The following KRI1 variants were observed in gnomAD, a reference collection of about 807,000 sequenced individuals.
The protein encoded by KRI1 is protein KRI1 homolog.
In KRI1, 83 loss-of-function variants were observed where a neutral mutation model predicts 97.0. The observed-to-expected ratio is 0.86, with a 90% CI of 0.72 to 1.03. KRI1 has a LOEUF of 1.03. KRI1 is among the 50% of genes least tolerant of loss of function. The probability of loss-of-function intolerance (pLI) is 0.00; values close to 1 mark genes in which losing one functional copy is unlikely to be tolerated. For missense variants in KRI1, 916 were observed against 928.4 expected (o/e 0.99, Z 0.17); for synonymous variants, 371 against 363.5 (o/e 1.02, Z -0.23).
At chr19:10,565,162 T>G in intron 2 of KRI1, 128 bp from the exon 3 acceptor site, 1 of 686,888 alleles carries the variant, frequency 1.5e-6, no homozygotes, top group Non-Finnish European at 2.6e-6. Flanking sequence ...GTCAAACAGG[T>G]GGTCAAACAG....
chr19:10,562,015 GTTTTT>G (rs749837085), intron 4 of KRI1, among the ~76,000 whole-genome samples, 170 bp from the exon 5 acceptor site: 1 of 131,742 alleles, frequency 7.6e-6, no homozygotes, highest in Non-Finnish European at 1.6e-5. Context: ...AGTTTCCAGC[GTTTTT>G]TTTTTTTTTT....
At chr19:10,562,187 C>T (rs1017579217) in intron 4 of KRI1, among the ~76,000 whole-genome samples, 3 of 151,700 alleles carry the variant, frequency 2.0e-5, no homozygotes, top group East Asian at 1.9e-4. Flanking sequence ...GTAGCTGGGA[C>T]TACAGGCGCC....
At chr19:10,564,069 C>T (rs1481280207) in intron 3 of KRI1, among the ~76,000 whole-genome samples, 8 of 149,930 alleles carry the variant, frequency 5.3e-5, no homozygotes, top group South Asian at 2.1e-4. Flanking sequence ...TCGGTTGAAC[C>T]GGGGAGGCGG....
chr19:10,557,160 A>G (rs1217291945), intron 16 of KRI1, among the ~76,000 whole-genome samples: 1 of 146,474 alleles, frequency 6.8e-6, no homozygotes, highest in African/African-American at 2.5e-5. Context: ...GCTGGAGTGC[A>G]GTGGTGCAAT....
At chr19:10,565,109 A>C in intron 2 of KRI1, 75 bp from the exon 3 acceptor site, 3 of 966,794 alleles carry the variant, frequency 3.1e-6, no homozygotes, top group Non-Finnish European at 5.0e-6. Flanking sequence ...AGGTGAGCTC[A>C]GCGTAGGGAT....
At position 10,553,370 on chromosome 19, in the gene KRI1, C is replaced by A; in HGVS notation, c.*581G>T. On this transcript the variant is annotated 3_prime_UTR_variant, in exon 19 of 19. Transcript: ENST00000312962. ...CCGGGCCCTCCCTGTCCCAAAGCCC[C>A]CTTGGGGGAACTGTGGCTGCTGGGG... 3.3e-6 allele frequency: 1 copy of A among 306,932 alleles called. No individual in the cohort carries two copies. Among genetic ancestry groups the A allele is most frequent in the East Asian group, 5.6e-5 (1 of 17,940 alleles). 19.0% of individuals were successfully genotyped at this position (306,932 alleles called of 1,614,324 possible).
chr19:10,565,320 A>G, intron 2 of KRI1: 1 of 543,532 alleles, frequency 1.8e-6, no homozygotes. Context: ...AGGGCACAAG[A>G]GAGACAGCGG....
chr19:10,559,567 T>C, intron 11 of KRI1, 38 bp from the exon 12 acceptor site: 2 of 1,613,772 alleles, frequency 1.2e-6, no homozygotes, highest in Non-Finnish European at 1.7e-6. Context: ...GCATGGGCTT[T>C]CCTCCAGGGC....
At position 10,561,005 on chromosome 19, in the gene KRI1, G is replaced by A. The variant is rs1916677191; in HGVS notation, c.661C>T (p.Leu221=). 6.2e-7 allele frequency: 1 copy of A among 1,613,124 alleles called. No homozygotes were observed. The highest frequency in any genetic ancestry group is 1.3e-5 in the African/African-American group (1 of 74,918). Residue 221 remains leucine (L), a splice_region_variant and synonymous_variant, in exon 8 of 19, where the codon CTG becomes TTG. Coordinates refer to ENST00000312962, the MANE Select transcript of KRI1 (RefSeq NM_023008.5). The stretch of plus-strand genomic sequence containing the variant: ...AGCGACCATGCGTGAGAACTCACCA[G>A]TTCCTTCAGGGAATCTGGGTTCCGA... ...EIRNPDSLKE[L]THLKEYWNDP...
rs1568421844 is a variant in KRI1 at position 10,557,894 on chromosome 19, A to G, written c.1361T>C (p.Met454Thr). The G allele has an allele frequency of 1.9e-6, 3 of 1,613,576 alleles. No homozygotes were observed. Among genetic ancestry groups the G allele is most frequent in the South Asian group, 1.1e-5 (1 of 91,060 alleles). ...ELHCEDPNFN[M>T]DADYDPSQPR... ...CTGGCTGGGGTCGTAGTCGGCGTCC[A>G]TCTGCCAGGACGCACAGGTCAGATC... Residue 454 changes from methionine to threonine, a missense_variant and splice_region_variant, in exon 15 of 19, where the codon ATG (methionine) becomes ACG (threonine). Met to Thr is a moderately conservative substitution (Grantham distance 81, BLOSUM62 -1). Transcript: ENST00000312962.
At position 10,553,096 on chromosome 19, in the gene KRI1, A is replaced by G; in HGVS notation, c.*855T>C. 2.6e-6 allele frequency: 4 copies of G among 1,561,608 alleles called. No individual in the cohort carries two copies. Among genetic ancestry groups the G allele is most frequent in the Non-Finnish European group, 3.5e-6 (4 of 1,154,440 alleles). On this transcript the variant is annotated 3_prime_UTR_variant, in exon 19 of 19. Transcript: ENST00000312962. The stretch of plus-strand genomic sequence containing the variant: ...GAGGGGATGAGGGGAAAGATACAAC[A>G]CTATTTATTTTTTTATTTATGTCAT...
At chr19:10,562,913 G>T (rs142265308) in intron 3 of KRI1, 76 bp from the exon 4 acceptor site, 11 of 908,198 alleles carry the variant, frequency 1.2e-5, no homozygotes, top group African/African-American at 8.1e-5. Context: ...CACAGGGCAG[G>T]GCCAGGGTTA....
At chr19:10,559,734 A>G in intron 10 of KRI1, 26 bp from the exon 11 acceptor site, 1 of 1,613,968 alleles carries the variant, frequency 6.2e-7, no homozygotes, top group Non-Finnish European at 8.5e-7. Context: ...AAAGCCCACA[A>G]GGGCCGCAGA....
chr19:10,561,947 T>C, intron 4 of KRI1, 102 bp from the exon 5 acceptor site: 2 of 1,016,444 alleles, frequency 2.0e-6, no homozygotes, highest in Non-Finnish European at 1.5e-6. Flanking sequence ...GCGGGGGTCA[T>C]CGGAGGGCTA....
chr19:10,561,134 G>C (rs1233384350), intron 7 of KRI1, 35 bp downstream of exon 7: 30 of 1,612,060 alleles, frequency 1.9e-5, no homozygotes, highest in Admixed American at 3.3e-5. Context: ...CCGCCACCCT[G>C]TCCCCCAGCA....
rs201534376 is a variant in KRI1, at chr19:10,555,335, G to A, written c.1632C>T (p.Asp544=). 16 of 1,614,156 alleles carry A rather than the reference G, an allele frequency of 9.9e-6. No homozygotes were observed. Among genetic ancestry groups the A allele is most frequent in the Middle Eastern group, 1.7e-4 (1 of 6,038 alleles). Residue 544 remains aspartate, a synonymous_variant, in exon 17 of 19, where the codon GAC becomes GAT. Coordinates refer to ENST00000312962, the MANE Select transcript of KRI1 (RefSeq NM_023008.5). ...AGCACCACCGGTTCAGCTCCTTATCGTCAGCAGCGAGGATCTGCGTGGGAA... is the reference window on the plus strand; with the variant it reads ...AGCACCACCGGTTCAGCTCCTTATCATCAGCAGCGAGGATCTGCGTGGGAA... ...GLSTEEILAA[D]DKELNRWCSL... is the part of the protein sequence containing the mutation.
intron 18 of KRI1, 72 bp from the exon 19 acceptor site, chr19:10,554,353 T>C (rs1344212758): frequency 2.3e-6 from 3 of 1,315,344 alleles, no homozygotes; most frequent in Non-Finnish European, 3.2e-6. Flanking sequence ...GCATGCCCCA[T>C]TTTACAGACA....
chr19:10,564,696 T>G (rs144480462), intron 3 of KRI1, among the ~76,000 whole-genome samples: 1 of 152,304 alleles, frequency 6.6e-6, no homozygotes, highest in East Asian at 1.9e-4. Context: ...GCTAAGGACT[T>G]GTGACTTGTG....
Position 10,565,968 on chromosome 19 carries a change from C to A in KRI1, c.32G>T (p.Arg11Leu). The A allele has an allele frequency of 1.3e-6, 2 of 1,527,462 alleles. No individual in the cohort carries two copies. Among genetic ancestry groups the A allele is most frequent in the Non-Finnish European group, 1.8e-6 (2 of 1,140,908 alleles). The allele number at this position is 1,527,462 out of a possible 1,614,324, so 94.6% of individuals were successfully genotyped here. Residue 11 changes from arginine (R) to leucine (L), a missense_variant, in exon 1 of 19, where the codon CGG becomes CTG. Arg to Leu is a moderately radical substitution (Grantham distance 102, BLOSUM62 -2). This residue lies in a region of KRI1 where 173 missense variants were observed against 153.1 expected (regional missense o/e 1.13). Transcript: ENST00000312962. ...CCGCGCGGCAAACGCCGCGTTCACCCGCAGCTGCGACGACCCGCGCGGTTC... is the reference window on the plus strand; with the variant it reads ...CCGCGCGGCAAACGCCGCGTTCACCAGCAGCTGCGACGACCCGCGCGGTTC... The part of the protein sequence containing the change: MPEPRGSSQL[R>L]VNAAFAARYN...
Sources: allele counts gnomAD v4.1 joint callset (sites outside exome capture counted in the v4.1 genomes callset), GRCh38; gene constraint gnomAD v4.1.1; regional missense constraint gnomAD v4.1.1; transcripts MANE v1.5; gene names NCBI Gene and HGNC (gene_info 2026-07-23, HGNC 2026-07-21).